The following ELF2 variants were observed in gnomAD, a reference collection of about 807,000 sequenced individuals.
ELF2 encodes E74 like ETS transcription factor 2.
In ELF2, 11 loss-of-function variants were observed where a neutral mutation model predicts 54.8. That is an observed-to-expected ratio of 0.20 (90% CI 0.13 to 0.33). The LOEUF is 0.33. Ranked by LOEUF, ELF2 falls within the 10% of genes least tolerant of loss-of-function variation. The probability of loss-of-function intolerance (pLI) is 1.00; values close to 1 mark genes in which losing one functional copy is unlikely to be tolerated. For missense variants in ELF2, 513 were observed against 703.0 expected, an observed-to-expected ratio of 0.73 and a Z score of 3.06; for synonymous variants, 203 against 245.1, an observed-to-expected ratio of 0.83 and a Z score of 1.61.
chr4:139,135,233 ATATATGTG>A (rs1227912666), intron 3 of ELF2, among the ~76,000 whole-genome samples: 8 of 90,746 alleles, frequency 8.8e-5, no homozygotes, highest in South Asian at 9.9e-4. Context: ...ATACTACTAT[ATATATGTG>A]TGTGTGTGTG....
chr4:139,067,804 A>C, intron 6 of ELF2, 34 bp from the exon 7 acceptor site: 1 of 1,539,272 alleles, frequency 6.5e-7, no homozygotes, highest in Non-Finnish European at 8.8e-7. Context: ...CATACGTTGA[A>C]AACAAGAAAA....
In ELF2 at chr4:139,139,399, T is replaced by C. The variant is rs1738490762; in HGVS notation, c.-167+14A>G. ...CCAATATATATAATAATAGCAGAAATAAATTTTACTTACAGTTTGTATGTT... is the reference window on the plus strand; with the variant it reads ...CCAATATATATAATAATAGCAGAAACAAATTTTACTTACAGTTTGTATGTT... On this transcript the variant is annotated intron_variant, in intron 2 of 9. Coordinates refer to ENST00000686138, the MANE Select transcript of ELF2 (RefSeq NM_001331036.3). 8.4e-7 allele frequency: 1 copy of C among 1,193,844 alleles called. No individual in the cohort carries two copies. The allele number at this position is 1,193,844 out of a possible 1,614,324, so 74.0% of individuals were successfully genotyped here.
chr4:139,120,336 A>G (rs962457539), intron 4 of ELF2, among the ~76,000 whole-genome samples: 1 of 152,188 alleles, frequency 6.6e-6, no homozygotes, highest in Non-Finnish European at 1.5e-5. Flanking sequence ...CCTTGTTTTA[A>G]TATTTCTCAA....
At chr4:139,065,284 C>T (rs543984112) in intron 7 of ELF2, among the ~76,000 whole-genome samples, 2 of 152,208 alleles carry the variant, frequency 1.3e-5, no homozygotes, top group Admixed American at 6.5e-5. Flanking sequence ...ATGAGAATAG[C>T]CTAGGCAACA....
chr4:139,130,618 T>C (rs1737395774), intron 3 of ELF2, among the ~76,000 whole-genome samples: 1 of 152,238 alleles, frequency 6.6e-6, no homozygotes, highest in African/African-American at 2.4e-5. Context: ...ATATTACCAC[T>C]GTTCATTGTC....
At chr4:139,114,650 T>C (rs1436497796) in intron 4 of ELF2, among the ~76,000 whole-genome samples, 4 of 127,240 alleles carry the variant, frequency 3.1e-5, no homozygotes, top group African/African-American at 6.4e-5. Flanking sequence ...TTCTTTTTTT[T>C]TTTTTTTTTT....
intron 7 of ELF2, among the ~76,000 whole-genome samples, chr4:139,065,306 G>A (rs1248338574): frequency 1.3e-5 from 2 of 151,972 alleles, no homozygotes; most frequent in African/African-American, 2.4e-5. Context: ...AGGGGGACCC[G>A]TCTCTACAAA....
chr4:139,128,113 TAAAA>T (rs1375360266), intron 3 of ELF2, among the ~76,000 whole-genome samples: 1 of 148,990 alleles, frequency 6.7e-6, no homozygotes, highest in Admixed American at 6.7e-5. Context: ...CTAGAAAAAA[TAAAA>T]AATAAATATC....
At chr4:139,149,950 T>C (rs1490318644) in intron 1 of ELF2, among the ~76,000 whole-genome samples, 2 of 152,126 alleles carry the variant, frequency 1.3e-5, no homozygotes, top group Non-Finnish European at 2.9e-5. Context: ...GTCACAGCAC[T>C]TACGAAGGCC....
In ELF2 at chr4:139,062,902, T is replaced by C. The variant is rs1369758154; in HGVS notation, c.614-845A>G. Among the ~76,000 whole-genome samples the C allele has an allele frequency of 3.9e-5, 6 of 152,160 alleles. No homozygotes were observed. The East Asian group carries it at 1.2e-3, about 29-fold the overall frequency. The stretch of plus-strand genomic sequence containing the variant: ...TTAAGTGCAAACTACCCTCAACCCT[T>C]TAAGGATTTTCTTATCATTTTCCTC... On this transcript the variant is annotated intron_variant, in intron 7 of 9. Coordinates refer to ENST00000686138, the MANE Select transcript of ELF2 (RefSeq NM_001331036.3).
intron 3 of ELF2, among the ~76,000 whole-genome samples, chr4:139,133,112 G>A (rs963757419): frequency 2.0e-5 from 3 of 151,784 alleles, no homozygotes; most frequent in East Asian, 3.9e-4. Flanking sequence ...TAGTACAGAC[G>A]GGGTTTCACT....
At chr4:139,061,323 C>T (rs1473711292) in intron 8 of ELF2, among the ~76,000 whole-genome samples, 4 of 151,772 alleles carry the variant, frequency 2.6e-5, no homozygotes, top group Admixed American at 6.6e-5. Context: ...TACAGGCGAG[C>T]GCCACCAGAC....
chr4:139,060,274 G>C, intron 9 of ELF2, 50 bp downstream of exon 9: 1 of 1,454,538 alleles, frequency 6.9e-7, no homozygotes, highest in Non-Finnish European at 9.1e-7. Context: ...TCACCACGGA[G>C]ACTTTTTTAA....
At chr4:139,172,466 A>G (rs1016112371) in intron 1 of ELF2, among the ~76,000 whole-genome samples, 1 of 152,170 alleles carries the variant, frequency 6.6e-6, no homozygotes, top group Non-Finnish European at 1.5e-5. Flanking sequence ...CTACCTGCTC[A>G]TTAGTCACTT....
intron 4 of ELF2, among the ~76,000 whole-genome samples, chr4:139,121,160 G>C (rs995578119): frequency 3.1e-5 from 4 of 127,294 alleles, no homozygotes; most frequent in Admixed American, 8.9e-5. Context: ...CCAGGCTGGA[G>C]TGCAGTGGCG....
At chr4:139,095,040 A>G (rs2148770035) in intron 4 of ELF2, among the ~76,000 whole-genome samples, 1 of 152,284 alleles carries the variant, frequency 6.6e-6, no homozygotes, top group East Asian at 1.9e-4. Context: ...TCTGTAAATA[A>G]TAACAATTTT....
chr4:139,082,786 C>T (rs1731301038), intron 4 of ELF2, among the ~76,000 whole-genome samples: 1 of 152,252 alleles, frequency 6.6e-6, no homozygotes. Flanking sequence ...AAATAGGAAC[C>T]GGGAAGAGGA....
chr4:139,098,668 C>A (rs898972043), intron 4 of ELF2, among the ~76,000 whole-genome samples: 7 of 152,060 alleles, frequency 4.6e-5, no homozygotes, highest in African/African-American at 1.7e-4. Flanking sequence ...TGGGGTTTCA[C>A]CATCTTGGCC....
chr4:139,143,737 G>A (rs1247626293), intron 1 of ELF2, among the ~76,000 whole-genome samples: 1 of 152,022 alleles, frequency 6.6e-6, no homozygotes, highest in Non-Finnish European at 1.5e-5. Flanking sequence ...CCAAGATCGA[G>A]CCACTGCAAT....
Sources: gnomAD v4.1 joint callset for allele counts (sites outside exome capture counted in the v4.1 genomes callset) on GRCh38, gnomAD v4.1.1 for gene constraint, MANE v1.5 for transcripts, NCBI Gene and HGNC (gene_info 2026-07-23, HGNC 2026-07-21) for gene names.